TLK1: variants seen among roughly 807,000 people sequenced by gnomAD.
TLK1 encodes the protein serine/threonine-protein kinase tousled-like 1.
In TLK1, 24 loss-of-function variants were observed where a neutral mutation model predicts 105.3. The observed-to-expected ratio is 0.23, with a 90% CI of 0.17 to 0.32. The LOEUF is 0.32. TLK1 is among the 10% of genes least tolerant of loss of function. The pLI, the probability that TLK1 is intolerant of heterozygous loss-of-function variation, is 1.00. For missense variants in TLK1, 558 were observed against 910.5 expected, an observed-to-expected ratio of 0.61 and a Z score of 4.98; for synonymous variants, 321 against 310.4, an observed-to-expected ratio of 1.03 and a Z score of -0.36.
chr2:171,135,542 T>C (rs1466929636), intron 1 of TLK1, among the ~76,000 whole-genome samples: 1 of 152,080 alleles, frequency 6.6e-6, no homozygotes, highest in East Asian at 1.9e-4. Flanking sequence ...GGTTCATGCC[T>C]ATAATCCCAG....
chr2:171,099,841 A>G (rs1689614873), intron 2 of TLK1, among the ~76,000 whole-genome samples: 1 of 152,246 alleles, frequency 6.6e-6, no homozygotes, highest in African/African-American at 2.4e-5. Context: ...CTCATACCAT[A>G]TATGCAAATT....
intron 1 of TLK1, among the ~76,000 whole-genome samples, chr2:171,230,667 C>A (rs1191511603): frequency 6.6e-6 from 1 of 152,162 alleles, no homozygotes; most frequent in South Asian, 2.1e-4. Context: ...AAACTGCTTT[C>A]TTTTCTGCAA....
chr2:171,078,998 T>C (rs1292969233), intron 3 of TLK1, among the ~76,000 whole-genome samples: 2 of 152,220 alleles, frequency 1.3e-5, no homozygotes, highest in African/African-American at 2.4e-5. Context: ...ACCTGACCCC[T>C]GCCTACCTTT....
chr2:171,120,248 G>GAAA (rs71008751), intron 1 of TLK1, among the ~76,000 whole-genome samples: 58 of 47,006 alleles, frequency 1.2e-3, no homozygotes, highest in Admixed American at 1.5e-3. Context: ...GACTCCGTCA[G>GAAA]AAAAAAAAAA....
At position 171,065,630 on chromosome 2, in the gene TLK1, T is replaced by C. The variant is rs529313643; in HGVS notation, c.331-4474A>G. 3.9e-5 allele frequency among the ~76,000 whole-genome samples: 6 copies of C among 152,136 alleles called. No homozygotes were observed. The South Asian group carries it at 1.0e-3, about 26-fold the overall frequency. ...TCAGCTCACTGCAAGCTCTGCCTCC[T>C]GGGTTCACACCATTCTCCTGCCTCA... On this transcript the variant is annotated intron_variant, in intron 3 of 20. Coordinates refer to ENST00000431350, the MANE Select transcript of TLK1 (RefSeq NM_012290.5).
chr2:171,123,123 T>C (rs1203930268), intron 1 of TLK1, among the ~76,000 whole-genome samples: 2 of 151,318 alleles, frequency 1.3e-5, no homozygotes, highest in Admixed American at 6.6e-5. Context: ...ATGAAAAGAA[T>C]GAAATTCTTT....
At chr2:171,219,310 A>G (rs1575663349) in intron 1 of TLK1, among the ~76,000 whole-genome samples, 1 of 152,282 alleles carries the variant, frequency 6.6e-6, no homozygotes, top group East Asian at 1.9e-4. Context: ...TTGTGGCTGC[A>G]TCACTCTAAT....
intron 3 of TLK1, among the ~76,000 whole-genome samples, chr2:171,081,477 T>A (rs772972170): frequency 1.3e-5 from 2 of 152,200 alleles, no homozygotes; most frequent in African/African-American, 2.4e-5. Flanking sequence ...TATCAAGAAA[T>A]GTTCCAAAGT....
At position 171,187,318 on chromosome 2, in the gene TLK1, G is replaced by A. The variant is rs377214156; in HGVS notation, c.-6+43827C>T. On this transcript the variant is annotated intron_variant, in intron 1 of 20. Coordinates refer to the TLK1 transcript ENST00000521943. ...AAAATAGACATCCTCGCTGGAATACGTACACCTGATGCTTCACTCCTTCAG... is the reference window on the plus strand; with the variant it reads ...AAAATAGACATCCTCGCTGGAATACATACACCTGATGCTTCACTCCTTCAG... 5.3e-5 allele frequency among the ~76,000 whole-genome samples: 8 copies of A among 152,152 alleles called. No homozygotes were observed. In the South Asian group the frequency reaches 1.2e-3, roughly 24 times the overall value.
At chr2:170,997,636 A>G in intron 19 of TLK1, 76 bp downstream of exon 19, 1 of 849,286 alleles carries the variant, frequency 1.2e-6, no homozygotes, top group Middle Eastern at 2.6e-4. Context: ...TAAGTTAGTG[A>G]AATTTTGCTT....
At position 171,227,122 on chromosome 2, in the gene TLK1, A is replaced by G. The variant is rs1246365561; in HGVS notation, c.-6+4023T>C. ...GGCATACCATTCCCACCCTCTTTCT[A>G]TTGGTAAAAGTGTCCCAATCAAGCT... On this transcript the variant is annotated intron_variant, in intron 1 of 20. Coordinates refer to the TLK1 transcript ENST00000521943. 3.9e-5 allele frequency among the ~76,000 whole-genome samples: 6 copies of G among 152,068 alleles called. No individual in the cohort carries two copies. In the East Asian group the frequency reaches 1.2e-3, roughly 29 times the overall value.
intron 3 of TLK1, among the ~76,000 whole-genome samples, chr2:171,081,314 C>G (rs1159687200): frequency 1.3e-5 from 2 of 151,988 alleles, no homozygotes; most frequent in African/African-American, 4.8e-5. Context: ...TAACTTTCAC[C>G]ATGTTTTGCT....
intron 3 of TLK1, among the ~76,000 whole-genome samples, chr2:171,068,009 A>G (rs1238386948): frequency 2.6e-5 from 4 of 152,036 alleles, no homozygotes; most frequent in East Asian, 3.8e-4. Flanking sequence ...TTTTAATCAG[A>G]AAAAAAGTGA....
At chr2:171,047,925 A>C (rs1368866266) in intron 10 of TLK1, among the ~76,000 whole-genome samples, 1 of 152,170 alleles carries the variant, frequency 6.6e-6, no homozygotes, top group Admixed American at 6.5e-5. Flanking sequence ...AGTGAAAGTC[A>C]GGACATACAA....
rs756285074 is a variant in TLK1 at position 171,006,594 on chromosome 2, G to A, written c.1648C>T (p.Leu550=). The A allele has an allele frequency of 6.2e-7, 1 of 1,612,948 alleles. No homozygotes were observed. Among genetic ancestry groups the A allele is most frequent in the South Asian group, 1.1e-5 (1 of 91,054 alleles). The change falls in exon 17 of 21, where the codon CTG becomes TTG. Residue 550 remains leucine (L), a synonymous_variant. Coordinates refer to ENST00000431350, the MANE Select transcript of TLK1 (RefSeq NM_012290.5). ...YCEGNDLDFY[L]KQHKLMSEKE... ...TCTGACATTAACTTGTGTTGCTTCA[G>A]ATAGAAATCCAAGTCATTGCCTTCA...
chr2:171,219,222 C>A (rs1336468216), intron 1 of TLK1, among the ~76,000 whole-genome samples: 2 of 152,192 alleles, frequency 1.3e-5, no homozygotes, highest in Non-Finnish European at 2.9e-5. Context: ...GTTGGCAGGG[C>A]TGCACACCCT....
chr2:171,175,779 T>C (rs1220239491), intron 1 of TLK1, among the ~76,000 whole-genome samples: 2 of 152,186 alleles, frequency 1.3e-5, no homozygotes, highest in African/African-American at 4.8e-5. Flanking sequence ...CCCACCTTGA[T>C]GGCCACAACT....
intron 2 of TLK1, among the ~76,000 whole-genome samples, chr2:171,094,154 ATATAAT>A (rs1454993105): frequency 1.4e-5 from 2 of 144,878 alleles, no homozygotes; most frequent in Non-Finnish European, 3.2e-5. Context: ...TTTAAAGTAA[ATATAAT>A]TAGAAATAAA....
intron 1 of TLK1, among the ~76,000 whole-genome samples, chr2:171,186,185 A>T (rs1693021487): frequency 6.6e-6 from 1 of 152,256 alleles, no homozygotes. Context: ...TAGGAATGGC[A>T]TTGTTGGATT....
Sources: gnomAD v4.1 joint callset for allele counts (sites outside exome capture counted in the v4.1 genomes callset) on GRCh38, gnomAD v4.1.1 for gene constraint, MANE v1.5 for transcripts, NCBI Gene and HGNC (gene_info 2026-07-23, HGNC 2026-07-21) for gene names.